The following TTC13 variants were observed in gnomAD, a reference collection of about 807,000 sequenced individuals.
TTC13 encodes tetratricopeptide repeat domain 13, also known as tetratricopeptide repeat protein 13.
TTC13 carries 62 observed loss-of-function variants against 120.0 expected under a neutral mutation model. The ratio of observed to expected loss-of-function variants is 0.52; its 90% confidence interval spans 0.42 to 0.64. The LOEUF (loss-of-function observed/expected upper bound fraction) is 0.64, where lower values mean the gene tolerates loss of function less well. Among genes scored for constraint, TTC13 ranks in the 30% least tolerant of loss-of-function variants. The pLI is 0.00. For missense variants in TTC13, 824 were observed against 1,050.2 expected, an observed-to-expected ratio of 0.78 and a Z score of 2.98; for synonymous variants, 384 against 393.5, an observed-to-expected ratio of 0.98 and a Z score of 0.28.
At chr1:230,919,840 T>A (rs2102780920) in intron 17 of TTC13, among the ~76,000 whole-genome samples, 1 of 152,166 alleles carries the variant, frequency 6.6e-6, no homozygotes, top group East Asian at 1.9e-4. Context: ...CACATACACC[T>A]CTGATACCTC....
At position 230,922,142 on chromosome 1, in the gene TTC13, C is replaced by A. The variant is rs151312216; in HGVS notation, c.1815-638G>T. ...ACCCACACTTCTCCCAGCCTCCCCA[C>A]TAAACATGTCCACCTACTTTTCGTT... On this transcript the variant is annotated intron_variant, in intron 15 of 22. Transcript: ENST00000366661. Among the ~76,000 whole-genome samples, 414 of 152,290 alleles carry A rather than the reference C, an allele frequency of 2.7e-3. 3 individuals are homozygous for A. The highest frequency in any genetic ancestry group is 9.4e-3 in the African/African-American group (392 of 41,564).
chr1:230,939,374 C>T lies in TTC13; in HGVS notation c.900+12G>A. On this transcript the variant is annotated intron_variant, in intron 8 of 22. Transcript: ENST00000366661. ...AGTCATCATATGGTACACATATGCA[C>T]AACACTTTCACCTTCAGAAGTCCTC... 6.4e-7 allele frequency: 1 copy of T among 1,568,674 alleles called. No individual in the cohort carries two copies. Among genetic ancestry groups the T allele is most frequent in the Non-Finnish European group, 8.8e-7 (1 of 1,140,894 alleles).
At position 230,951,479 on chromosome 1, in the gene TTC13, C is replaced by A. The variant is rs575022440; in HGVS notation, c.513+2854G>T. Among the ~76,000 whole-genome samples the A allele has an allele frequency of 6.2e-4, 95 of 152,152 alleles. 1 individual carries two copies. The Middle Eastern group carries it at 0.031, about 49-fold the overall frequency. ...AGATTTGTCAAAGGACATTTACTGGCTTAAAAATACTGCATTTTTGCATAT... is the reference window on the plus strand; with the variant it reads ...AGATTTGTCAAAGGACATTTACTGGATTAAAAATACTGCATTTTTGCATAT... On this transcript the variant is annotated intron_variant, in intron 4 of 22. Coordinates refer to ENST00000366661, the MANE Select transcript of TTC13 (RefSeq NM_024525.5).
At chr1:230,907,490 T>C (rs552049958) in intron 22 of TTC13, among the ~76,000 whole-genome samples, 1 of 152,364 alleles carries the variant, frequency 6.6e-6, no homozygotes, top group Admixed American at 6.5e-5. Context: ...TAAGGTAGCA[T>C]TGTTATTCTT....
At chr1:230,939,335 C>T in intron 8 of TTC13, 51 bp downstream of exon 8, 1 of 1,206,580 alleles carries the variant, frequency 8.3e-7, no homozygotes, top group Non-Finnish European at 1.2e-6. Context: ...CTCCCACCCA[C>T]AAAAGAGAAG....
chr1:230,916,535 C>A (rs1672050245), intron 17 of TTC13, among the ~76,000 whole-genome samples: 1 of 152,168 alleles, frequency 6.6e-6, no homozygotes, highest in South Asian at 2.1e-4. Flanking sequence ...AGAACCTCAG[C>A]ACCAAAAGCT....
At chr1:230,936,684 T>TATTACTATATGCA (rs57147502) in intron 8 of TTC13, 18 of 160,118 alleles carry the variant, frequency 1.1e-4, no homozygotes, top group Admixed American at 2.4e-4. Context: ...TATTACATCA[T>TATTACTATATGCA]ATAGTAAATA....
chr1:230,974,790 G>C (rs535033575), intron 1 of TTC13, among the ~76,000 whole-genome samples: 29 of 152,226 alleles, frequency 1.9e-4, no homozygotes, highest in African/African-American at 6.3e-4. Flanking sequence ...TATACAAATA[G>C]TTTTTCAATG....
At chr1:230,938,642 A>T (rs1674290991) in intron 8 of TTC13, among the ~76,000 whole-genome samples, 1 of 152,154 alleles carries the variant, frequency 6.6e-6, no homozygotes, top group South Asian at 2.1e-4. Flanking sequence ...AGCTGGGTCA[A>T]GTTTCATGCC....
intron 18 of TTC13, among the ~76,000 whole-genome samples, chr1:230,915,181 G>A (rs773398086): frequency 1.3e-5 from 2 of 152,188 alleles, no homozygotes; most frequent in East Asian, 3.8e-4. Flanking sequence ...TTTTGACATG[G>A]AACTTGAAGA....
intron 8 of TTC13, 143 bp downstream of exon 8, chr1:230,939,243 T>C (rs1228827151): frequency 1.0e-5 from 5 of 477,654 alleles, no homozygotes; most frequent in Non-Finnish European, 1.9e-5. Context: ...ATCCTTTCCC[T>C]TTCTGTATCT....
chr1:230,937,377 T>C (rs1214196724), intron 8 of TTC13, among the ~76,000 whole-genome samples: 1 of 152,196 alleles, frequency 6.6e-6, no homozygotes, highest in Non-Finnish European at 1.5e-5. Context: ...GTAATCTTTT[T>C]CTCCTCCATG....
intron 17 of TTC13, among the ~76,000 whole-genome samples, chr1:230,916,876 T>C (rs1427887218): frequency 1.3e-5 from 2 of 152,216 alleles, no homozygotes; most frequent in Non-Finnish European, 2.9e-5. Flanking sequence ...GATAAATGTA[T>C]GAACACAGTT....
chr1:230,932,734 A>C (rs1317430956), intron 9 of TTC13, among the ~76,000 whole-genome samples: 1 of 152,218 alleles, frequency 6.6e-6, no homozygotes, highest in Non-Finnish European at 1.5e-5. Flanking sequence ...AAGTTAGTAT[A>C]AGAGCTCCTC....
chr1:230,949,709 G>T (rs770254079), intron 4 of TTC13, among the ~76,000 whole-genome samples: 1 of 151,956 alleles, frequency 6.6e-6, no homozygotes, highest in Non-Finnish European at 1.5e-5. Flanking sequence ...GCAGTGGCGC[G>T]ATCTTGGCTC....
In TTC13 at chr1:230,978,858, C is replaced by T; in HGVS notation, c.-28G>A. 1 of 1,442,742 alleles carries T rather than the reference C, an allele frequency of 6.9e-7. No individual in the cohort carries two copies. The highest frequency in any genetic ancestry group is 9.0e-7 in the Non-Finnish European group (1 of 1,108,666). 89.4% of individuals were successfully genotyped at this position (1,442,742 alleles called of 1,614,324 possible). On this transcript the variant is annotated 5_prime_UTR_variant, in exon 1 of 23. Transcript: ENST00000366661. The surrounding 1 kb of genome is among the most constrained non-coding windows in gnomAD (Gnocchi z 5.6). ...TCCCTCAAGGCGCATGCGCGACAGC[C>T]CTTGCCCGGCTCTCAGGCCTCCCCG...
At chr1:230,972,493 T>C (rs900768312) in intron 1 of TTC13, among the ~76,000 whole-genome samples, 3 of 152,268 alleles carry the variant, frequency 2.0e-5, no homozygotes, top group Admixed American at 6.5e-5. Flanking sequence ...CAAGATAAGA[T>C]GAGCCCAAAC....
At position 230,926,259 on chromosome 1, in the gene TTC13, C is replaced by T. The variant is rs370888410; in HGVS notation, c.1458-612G>A. ...TTTTGTGTCCTTTACAAAACAAAAC[C>T]GGCAGAGGGAAGAGGCACATTGGGA... is the stretch of plus-strand genomic sequence containing the variant. On this transcript the variant is annotated intron_variant, in intron 12 of 22. Transcript: ENST00000366661. Among the ~76,000 whole-genome samples, 14 of 152,034 alleles carry T rather than the reference C, an allele frequency of 9.2e-5. 1 individual carries two copies. The highest frequency in any genetic ancestry group is 3.4e-4 in the African/African-American group (14 of 41,456).
intron 4 of TTC13, among the ~76,000 whole-genome samples, chr1:230,950,742 G>T (rs1675494344): frequency 6.6e-6 from 1 of 152,162 alleles, no homozygotes; most frequent in African/African-American, 2.4e-5. Context: ...CAGTTCCACT[G>T]GAATCAGATC....
Sources: gnomAD v4.1 joint callset for allele counts (sites outside exome capture counted in the v4.1 genomes callset) on GRCh38, gnomAD v4.1.1 for gene constraint, Gnocchi (gnomAD v3.1) non-coding constraint, MANE v1.5 for transcripts, NCBI Gene and HGNC (gene_info 2026-07-23, HGNC 2026-07-21) for gene names.